The following LRRC14 variants were observed in gnomAD, a reference collection of about 807,000 sequenced individuals.
The protein encoded by LRRC14 is leucine-rich repeat-containing protein 14.
In LRRC14, 16 loss-of-function variants were observed where a neutral mutation model predicts 25.3. That is an observed-to-expected ratio of 0.63 (90% CI 0.43 to 0.96). The LOEUF is 0.96. Ranked by LOEUF, LRRC14 falls within the 40% of genes least tolerant of loss-of-function variation. LRRC14 has a pLI of 0.00. For missense variants in LRRC14, 594 were observed against 660.5 expected, an observed-to-expected ratio of 0.90 and a Z score of 1.10; for synonymous variants, 359 against 295.1, an observed-to-expected ratio of 1.22 and a Z score of -2.22.
rs1051436086 is a variant in LRRC14 at position 144,521,589 on chromosome 8, C to T, written c.*111C>T. On this transcript the variant is annotated 3_prime_UTR_variant, in exon 4 of 4. Transcript: ENST00000292524. Reference sequence around the variant, plus strand: ...CACAAAAGCACTGGTTACTGGTTTCCTGCTGGGTCTACCTTGCTTCTGGGC... The same window carrying T: ...CACAAAAGCACTGGTTACTGGTTTCTTGCTGGGTCTACCTTGCTTCTGGGC... 232 of 1,139,920 alleles carry T rather than the reference C, an allele frequency of 2.0e-4. No individual in the cohort carries two copies. Among genetic ancestry groups the T allele is most frequent in the Non-Finnish European group, 2.5e-4 (206 of 824,614 alleles). The allele number at this position is 1,139,920 out of a possible 1,614,324, so 70.6% of individuals were successfully genotyped here. A position where few individuals can be genotyped will look rare whatever the true frequency, so the allele number is the denominator to read the frequency against.
chr8:144,522,743 A>T lies in LRRC14; in HGVS notation c.*1265A>T. On this transcript the variant is annotated 3_prime_UTR_variant, in exon 4 of 4. Coordinates refer to ENST00000292524, the MANE Select transcript of LRRC14 (RefSeq NM_014665.4). ...TTTTCGCCTGCGGCGCCGGCGACAG[A>T]TCATGGCGACCAGGAGCAGCGCCGT... is the stretch of plus-strand genomic sequence containing the variant. The T allele has an allele frequency of 1.3e-6, 2 of 1,588,782 alleles. No homozygotes were observed. The highest frequency in any genetic ancestry group is 1.7e-6 in the Non-Finnish European group (2 of 1,169,554).
rs1564824027 is a variant in LRRC14 at position 144,523,055 on chromosome 8, G to A, written c.*1577G>A. ...CATGCCGCTGCCCGTGTCGGATGCC[G>A]AGTGTCCGCCCAGGCCCAGCAACCC... On this transcript the variant is annotated 3_prime_UTR_variant, in exon 4 of 4. Coordinates refer to ENST00000292524, the MANE Select transcript of LRRC14 (RefSeq NM_014665.4). The A allele has an allele frequency of 1.2e-6, 2 of 1,603,794 alleles. No individual in the cohort carries two copies.
Position 144,521,383 on chromosome 8 carries a change from G to C in LRRC14, c.1387G>C (p.Glu463Gln). Reference sequence around the variant, plus strand: ...GGAGAAGTTTGCCCGCGTAGAAGCTGAGTTGCACCAGCTGCTTCTAGCCTC... The same window carrying C: ...GGAGAAGTTTGCCCGCGTAGAAGCTCAGTTGCACCAGCTGCTTCTAGCCTC... Reference protein sequence around the residue: ...NEEKFARVEAELHQLLLASGR... With the variant: ...NEEKFARVEAQLHQLLLASGR... Residue 463 changes from glutamate to glutamine, a missense_variant, in exon 4 of 4, where the codon GAG becomes CAG. Physicochemically the swap from Glu to Gln is conservative, Grantham distance 29 (BLOSUM62 2). Transcript: ENST00000292524. The C allele has an allele frequency of 1.2e-6, 2 of 1,612,402 alleles. No homozygotes were observed. Among genetic ancestry groups the C allele is most frequent in the Non-Finnish European group, 1.7e-6 (2 of 1,180,008 alleles).
chr8:144,522,475 C>T lies in LRRC14; in HGVS notation c.*997C>T, dbSNP rs886082820. 4.1e-6 allele frequency: 6 copies of T among 1,473,946 alleles called. No individual in the cohort carries two copies. The highest frequency in any genetic ancestry group is 1.5e-5 in the African/African-American group (1 of 68,390). The allele number at this position is 1,473,946 out of a possible 1,614,324, so 91.3% of individuals were successfully genotyped here. On this transcript the variant is annotated 3_prime_UTR_variant, in exon 4 of 4. Coordinates refer to ENST00000292524, the MANE Select transcript of LRRC14 (RefSeq NM_014665.4). ...CCACGTCATCCGCGCGCCCGCGGCC[C>T]TAGCAGTGGATCTCGTAGGCGACCG...
rs1165911355 is a variant in LRRC14, at chr8:144,519,606, T to G, written c.-111-9T>G. 4.7e-6 allele frequency: 4 copies of G among 859,654 alleles called. No homozygotes were observed. Among genetic ancestry groups the G allele is most frequent in the Non-Finnish European group, 5.4e-6 (3 of 552,058 alleles). The allele number at this position is 859,654 out of a possible 1,614,324, so 53.3% of individuals were successfully genotyped here. A position where few individuals can be genotyped will look rare whatever the true frequency, so the allele number is the denominator to read the frequency against. ...CCATGGCCACTGCTAACTGCTGACT[T>G]TGTTTCAGGCACTATGCTGGGCCTT... On this transcript the variant is annotated splice_polypyrimidine_tract_variant and intron_variant, in intron 1 of 3. Transcript: ENST00000292524.
rs1433134782 is a variant in LRRC14 at position 144,524,076 on chromosome 8, G to A, written c.*2598G>A. 6.3e-7 allele frequency: 1 copy of A among 1,587,564 alleles called. No homozygotes were observed. The highest frequency in any genetic ancestry group is 2.3e-5 in the East Asian group (1 of 44,262). On this transcript the variant is annotated 3_prime_UTR_variant, in exon 4 of 4. Transcript: ENST00000292524. ...CCTGCTCCCTACTGCCAACACCGTG[G>A]CCCAGACAGAGACGCTTTCCGAGGA...
rs889458092 is a variant in LRRC14 at position 144,524,787 on chromosome 8, G to A, written c.*3309G>A. On this transcript the variant is annotated 3_prime_UTR_variant, in exon 4 of 4. Transcript: ENST00000292524. ...GTCTTCCTCTCCCTGGGGGCACCCC[G>A]TCCTCCCGCAGCTCCACACGGTGCC... 1.4e-5 allele frequency: 20 copies of A among 1,437,090 alleles called. No homozygotes were observed. The highest frequency in any genetic ancestry group is 7.4e-5 in the African/African-American group (5 of 67,762). 89.0% of individuals were successfully genotyped at this position (1,437,090 alleles called of 1,614,324 possible).
intron 2 of LRRC14, 36 bp downstream of exon 2, chr8:144,520,090 T>C: frequency 6.3e-7 from 1 of 1,581,586 alleles, no homozygotes; most frequent in East Asian, 2.3e-5. Context: ...AGGCCAGGGG[T>C]GTGTAAGTGG....
At position 144,522,084 on chromosome 8, in the gene LRRC14, C is replaced by A. The variant is rs558659649; in HGVS notation, c.*606C>A. 8.1e-5 allele frequency: 19 copies of A among 233,998 alleles called. No individual in the cohort carries two copies. In the East Asian group the frequency reaches 1.2e-3, roughly 15 times the overall value. The allele number at this position is 233,998 out of a possible 1,614,324, so 14.5% of individuals were successfully genotyped here. On this transcript the variant is annotated 3_prime_UTR_variant, in exon 4 of 4. Coordinates refer to ENST00000292524, the MANE Select transcript of LRRC14 (RefSeq NM_014665.4). ...ACCCTTATCCTTATCTCTGCTGTCA[C>A]CCCCAACATGGCCACCCGGCAACAA...
rs765312893 is a variant in LRRC14 at position 144,521,251 on chromosome 8, G to A, written c.1255G>A (p.Ala419Thr). 1.9e-6 allele frequency: 3 copies of A among 1,613,248 alleles called. No homozygotes were observed. The highest frequency in any genetic ancestry group is 2.5e-6 in the Non-Finnish European group (3 of 1,180,036). Residue 419 changes from alanine (A) to threonine (T), a missense_variant, in exon 4 of 4, where the codon GCA becomes ACA. Transcript: ENST00000292524. ...CAAGGAGCTGCTGCGGGACTCAGTG[G>A]CACAGGCTGAGCTGCGTACTGTGGT... The part of the protein sequence containing the change: ...GLKELLRDSV[A>T]QAELRTVVHP...
In LRRC14 at chr8:144,522,303, C is replaced by T. The variant is rs904653033; in HGVS notation, c.*825C>T. ...AAGAGCTTCAAGGGAGGTGTTGGGG[C>T]CTCCCCGGCCACCTTCCATTGCTAC... On this transcript the variant is annotated 3_prime_UTR_variant, in exon 4 of 4. Transcript: ENST00000292524. The T allele has an allele frequency of 7.1e-6, 7 of 980,866 alleles. No homozygotes were observed. The highest frequency in any genetic ancestry group is 8.3e-5 in the Admixed American group (2 of 24,134). The allele number at this position is 980,866 out of a possible 1,614,324, so 60.8% of individuals were successfully genotyped here.
Position 144,522,583 on chromosome 8 carries a change from C to T in LRRC14, c.*1105C>T. On this transcript the variant is annotated 3_prime_UTR_variant, in exon 4 of 4. Transcript: ENST00000292524. ...CCTCCGCCGGACCCTCGGCGAAGAG[C>T]GGCTTGGAGCGGTTGATGACGAACA... The T allele has an allele frequency of 1.3e-6, 2 of 1,553,174 alleles. No individual in the cohort carries two copies. Among genetic ancestry groups the T allele is most frequent in the South Asian group, 1.2e-5 (1 of 84,348 alleles).
Position 144,522,927 on chromosome 8 carries a change from C to A in LRRC14, c.*1449C>A. 1 of 1,508,546 alleles carries A rather than the reference C, an allele frequency of 6.6e-7. No individual in the cohort carries two copies. The highest frequency in any genetic ancestry group is 8.8e-7 in the Non-Finnish European group (1 of 1,138,416). 93.4% of individuals were successfully genotyped at this position (1,508,546 alleles called of 1,614,324 possible). ...GGCTGCTGCGGCTGCTGCCGGGACG[C>A]GTTGACCAGGAGCCGGAAGGGCACG... On this transcript the variant is annotated 3_prime_UTR_variant, in exon 4 of 4. Coordinates refer to ENST00000292524, the MANE Select transcript of LRRC14 (RefSeq NM_014665.4).
rs764602638 is a variant in LRRC14 at position 144,522,689 on chromosome 8, G to A, written c.*1211G>A. On this transcript the variant is annotated 3_prime_UTR_variant, in exon 4 of 4. Coordinates refer to ENST00000292524, the MANE Select transcript of LRRC14 (RefSeq NM_014665.4). ...GTCCAAGTAGTCGTTGACGAACAGCGCTCCCTCCCCCGGAGGCCCCCGCGC... is the reference window on the plus strand; with the variant it reads ...GTCCAAGTAGTCGTTGACGAACAGCACTCCCTCCCCCGGAGGCCCCCGCGC... 101 of 1,596,230 alleles carry A rather than the reference G, an allele frequency of 6.3e-5. No individual in the cohort carries two copies. Among genetic ancestry groups the A allele is most frequent in the Non-Finnish European group, 8.3e-5 (97 of 1,172,666 alleles).
chr8:144,524,517 A>G lies in LRRC14; in HGVS notation c.*3039A>G, dbSNP rs1291064900. 6.3e-7 allele frequency: 1 copy of G among 1,592,914 alleles called. No individual in the cohort carries two copies. Among genetic ancestry groups the G allele is most frequent in the Non-Finnish European group, 8.5e-7 (1 of 1,177,826 alleles). ...CAGGTAGAGCACGCGCAGCTGGGCC[A>G]GGCCTACGAAGGCGCCGCTGCGCAA... On this transcript the variant is annotated 3_prime_UTR_variant, in exon 4 of 4. Transcript: ENST00000292524.
chr8:144,520,102 T>C, intron 2 of LRRC14, 48 bp downstream of exon 2: 1 of 1,577,812 alleles, frequency 6.3e-7, no homozygotes, highest in Non-Finnish European at 8.6e-7. Flanking sequence ...TGTAAGTGGG[T>C]CCCCTGAGGA....
chr8:144,522,364 C>A lies in LRRC14; in HGVS notation c.*886C>A, dbSNP rs767543720. The A allele has an allele frequency of 2.3e-6, 3 of 1,325,640 alleles. No individual in the cohort carries two copies. The highest frequency in any genetic ancestry group is 4.1e-5 in the Admixed American group (1 of 24,394). The allele number at this position is 1,325,640 out of a possible 1,614,324, so 82.1% of individuals were successfully genotyped here. Reference sequence around the variant, plus strand: ...CCGAGTGCAACGTTCCCGGCTCGCGCCCCACACACGGCTCAGCGCACACTG... The same window carrying A: ...CCGAGTGCAACGTTCCCGGCTCGCGACCCACACACGGCTCAGCGCACACTG... On this transcript the variant is annotated 3_prime_UTR_variant, in exon 4 of 4. Coordinates refer to ENST00000292524, the MANE Select transcript of LRRC14 (RefSeq NM_014665.4).
In LRRC14 at chr8:144,524,420, C is replaced by G. The variant is rs371184558; in HGVS notation, c.*2942C>G. Reference sequence around the variant, plus strand: ...GGGGCCATAATGGAGTATCCCGCCCCTTTAGACCCCAGGCGCTCACCGGCA... The same window carrying G: ...GGGGCCATAATGGAGTATCCCGCCCGTTTAGACCCCAGGCGCTCACCGGCA... On this transcript the variant is annotated 3_prime_UTR_variant, in exon 4 of 4. Coordinates refer to ENST00000292524, the MANE Select transcript of LRRC14 (RefSeq NM_014665.4). 31 of 1,597,130 alleles carry G rather than the reference C, an allele frequency of 1.9e-5. No homozygotes were observed. Among genetic ancestry groups the G allele is most frequent in the Middle Eastern group, 1.7e-4 (1 of 6,034 alleles).
rs751612360 is a variant in LRRC14 at position 144,520,488 on chromosome 8, C to T, written c.580C>T (p.Arg194Trp). 12 of 1,598,344 alleles carry T rather than the reference C, an allele frequency of 7.5e-6. No individual in the cohort carries two copies. The highest frequency in any genetic ancestry group is 3.3e-5 in the Admixed American group (2 of 59,952). The change falls in exon 3 of 4, where the codon CGG (arginine) becomes TGG (tryptophan). Residue 194 changes from arginine (R) to tryptophan (W), a missense_variant. Physicochemically the swap from Arg to Trp is moderately radical, Grantham distance 101 (BLOSUM62 -3). Coordinates refer to ENST00000292524, the MANE Select transcript of LRRC14 (RefSeq NM_014665.4). Reference protein sequence around the residue: ...ALRSSVGSPLRLCCRDLRAED... With the variant: ...ALRSSVGSPLWLCCRDLRAED... ...CCGAAGCAGCGTGGGCAGCCCGCTG[C>T]GGCTCTGCTGCCGGGACCTGCGAGC...
Sources: allele counts gnomAD v4.1 joint callset, GRCh38; gene constraint gnomAD v4.1.1; transcripts MANE v1.5; gene names NCBI Gene and HGNC (gene_info 2026-07-23, HGNC 2026-07-21).